Variants in PREX1 observed in about 807,000 individuals in gnomAD.
The protein encoded by PREX1 is phosphatidylinositol-3,4,5-trisphosphate dependent Rac exchange factor 1.
Under a neutral mutation model 198.3 loss-of-function variants are expected in PREX1, and 41 were observed. The observed-to-expected ratio is 0.21, with a 90% CI of 0.16 to 0.27. The LOEUF is 0.27. Among genes scored for constraint, PREX1 ranks in the 10% least tolerant of loss-of-function variants. The pLI, the probability that PREX1 is intolerant of heterozygous loss-of-function variation, is 1.00. For synonymous variants in PREX1, 843 were observed against 887.2 expected, an observed-to-expected ratio of 0.95 and a Z score of 0.89; for missense variants, 1,620 against 2,200.7, an observed-to-expected ratio of 0.74 and a Z score of 5.28.
intron 1 of PREX1, among the ~76,000 whole-genome samples, chr20:48,756,209 C>G (rs1387502091): frequency 6.6e-6 from 1 of 152,226 alleles, no homozygotes; most frequent in Admixed American, 6.5e-5. Flanking sequence ...GCTTCCACAG[C>G]CTGGGCCAGA....
At chr20:48,830,396 C>A (rs896508628), upstream of PREX1, among the ~76,000 whole-genome samples, 2 of 152,128 alleles carry the variant, frequency 1.3e-5, no homozygotes, top group African/African-American at 4.8e-5. Context: ...CAGACATTGC[C>A]AGATATCCCT....
chr20:48,850,414 GC>G, the PREX1 span, among the ~76,000 whole-genome samples: 2 of 152,140 alleles, frequency 1.3e-5, no homozygotes, highest in African/African-American at 4.8e-5. Flanking sequence ...CCCAGATTAG[GC>G]GGTTGCAATT....
At chr20:48,694,160 C>T (rs776753713) in intron 7 of PREX1, among the ~76,000 whole-genome samples, 8 of 152,178 alleles carry the variant, frequency 5.3e-5, no homozygotes, top group Non-Finnish European at 1.0e-4. Context: ...TATCCACCCC[C>T]CTCGGCCTCC....
chr20:48,699,224 A>G (rs1210977055), intron 7 of PREX1, among the ~76,000 whole-genome samples: 1 of 152,216 alleles, frequency 6.6e-6, no homozygotes, highest in Non-Finnish European at 1.5e-5. Context: ...AAAGCAAGTT[A>G]CAGGAAAATG....
intron 5 of PREX1, among the ~76,000 whole-genome samples, chr20:48,715,379 G>C (rs1418661116): frequency 2.0e-5 from 3 of 152,312 alleles, no homozygotes; most frequent in Middle Eastern, 3.4e-3. Context: ...ATCAATAGAA[G>C]TATCAATGAT....
the PREX1 span, among the ~76,000 whole-genome samples, chr20:48,881,082 T>C: frequency 3.3e-5 from 5 of 149,264 alleles, no homozygotes; most frequent in Admixed American, 2.7e-4. Flanking sequence ...ATGGGACATG[T>C]GGACGATATC....
At chr20:48,869,852 G>A in the PREX1 span, among the ~76,000 whole-genome samples, 9 of 152,158 alleles carry the variant, frequency 5.9e-5, no homozygotes, top group East Asian at 1.9e-4. Flanking sequence ...GGGAGTTGCA[G>A]GGTAAGCGGG....
At chr20:48,681,709 C>G (rs866203163) in intron 10 of PREX1, among the ~76,000 whole-genome samples, 1 of 93,650 alleles carries the variant, frequency 1.1e-5, no homozygotes, top group Admixed American at 1.2e-4. Flanking sequence ...GATGGACGGA[C>G]GGATGGATGT....
At position 48,676,279 on chromosome 20, in the gene PREX1, G is replaced by C; in HGVS notation, c.1590-11C>G. The C allele has an allele frequency of 6.2e-7, 1 of 1,613,032 alleles. No individual in the cohort carries two copies. The highest frequency in any genetic ancestry group is 1.1e-5 in the South Asian group (1 of 91,046). On this transcript the variant is annotated splice_polypyrimidine_tract_variant and intron_variant, in intron 13 of 39. Transcript: ENST00000371941. ...TGGTAATCACGGTCTCTGTGGAGAAGGTGAGCGCACAGTGAGCAGGGCAGG... is the reference window on the plus strand; with the variant it reads ...TGGTAATCACGGTCTCTGTGGAGAACGTGAGCGCACAGTGAGCAGGGCAGG...
the PREX1 span, among the ~76,000 whole-genome samples, chr20:48,853,546 C>T: frequency 2.6e-5 from 4 of 152,244 alleles, no homozygotes; most frequent in South Asian, 8.3e-4. Flanking sequence ...CCTGGTCCTG[C>T]CCTTGACATG....
intron 35 of PREX1, 146 bp downstream of exon 35, chr20:48,632,131 A>G: frequency 1.3e-6 from 1 of 749,694 alleles, no homozygotes; most frequent in Non-Finnish European, 2.3e-6. Context: ...CACGCAGGCA[A>G]GAGTGCTGTC....
Position 48,680,998 on chromosome 20 carries a change from AG to A in PREX1, c.1435+236del, listed in dbSNP as rs1349234444. ...CCAAATGGTTCTTGACATTTCTTGAAGGGACAGATAAAAGATTCTACTCCCC... is the reference window on the plus strand; with the variant it reads ...CCAAATGGTTCTTGACATTTCTTGAAGGACAGATAAAAGATTCTACTCCCC... On this transcript the variant is annotated intron_variant, in intron 11 of 39. Coordinates refer to ENST00000371941, the MANE Select transcript of PREX1 (RefSeq NM_020820.4). Among the ~76,000 whole-genome samples the A allele has an allele frequency of 5.3e-5, 8 of 152,348 alleles. 1 individual carries two copies. Among genetic ancestry groups the A allele is most frequent in the Admixed American group, 1.3e-4 (2 of 15,304 alleles).
At chr20:48,845,702 CAAAA>C in the PREX1 span, among the ~76,000 whole-genome samples, 4 of 103,020 alleles carry the variant, frequency 3.9e-5, no homozygotes, top group African/African-American at 1.1e-4. Flanking sequence ...ACCTTGTTTC[CAAAA>C]AAAAAAAAAA....
At chr20:48,663,074 T>C (rs1188483666) in intron 15 of PREX1, among the ~76,000 whole-genome samples, 1 of 152,078 alleles carries the variant, frequency 6.6e-6, no homozygotes, top group East Asian at 1.9e-4. Context: ...CCCTCAGCTG[T>C]CCAGACTGGC....
chr20:48,783,597 C>A (rs1300312043), intron 1 of PREX1, among the ~76,000 whole-genome samples: 1 of 152,064 alleles, frequency 6.6e-6, no homozygotes, highest in Non-Finnish European at 1.5e-5. Context: ...CCATCGGAAC[C>A]CAGGAGGCAG....
intron 7 of PREX1, among the ~76,000 whole-genome samples, chr20:48,694,375 G>A (rs2089834786): frequency 2.0e-5 from 3 of 152,210 alleles, no homozygotes; most frequent in Admixed American, 1.3e-4. Flanking sequence ...ACAAGCATGT[G>A]GAGAACGCCT....
intron 1 of PREX1, among the ~76,000 whole-genome samples, chr20:48,803,444 G>T (rs1869200637): frequency 1.3e-5 from 2 of 152,142 alleles, no homozygotes; most frequent in African/African-American, 2.4e-5. Flanking sequence ...GTGATAAAGG[G>T]AAGGGGAACA....
chr20:48,875,872 A>T, the PREX1 span, among the ~76,000 whole-genome samples: 1 of 152,158 alleles, frequency 6.6e-6, no homozygotes, highest in East Asian at 1.9e-4. Context: ...TGTTTGGAAC[A>T]TGCCCAGCTG....
intron 1 of PREX1, among the ~76,000 whole-genome samples, chr20:48,808,461 G>A (rs2090421624): frequency 6.6e-6 from 1 of 152,172 alleles, no homozygotes; most frequent in African/African-American, 2.4e-5. Flanking sequence ...AGGGGCAGTG[G>A]ACTGCCATCT....
Sources: allele counts gnomAD v4.1 joint callset (sites outside exome capture counted in the v4.1 genomes callset), GRCh38; gene constraint gnomAD v4.1.1; transcripts MANE v1.5; gene names NCBI Gene and HGNC (gene_info 2026-07-23, HGNC 2026-07-21).